NT5DC3: variants seen among roughly 807,000 people sequenced by gnomAD.
NT5DC3 encodes 5'-nucleotidase domain-containing protein 3.
A neutral mutation model predicts 67.8 loss-of-function variants in NT5DC3; 42 were observed. The ratio of observed to expected loss-of-function variants is 0.62; its 90% CI spans 0.48 to 0.80. The LOEUF (loss-of-function observed/expected upper bound fraction) is 0.80. Ranked by LOEUF, NT5DC3 falls within the 30% of genes least tolerant of loss-of-function variation. The pLI, the probability that NT5DC3 is intolerant of heterozygous loss-of-function variation, is 0.00. For missense variants in NT5DC3, 570 were observed against 696.4 expected, an observed-to-expected ratio of 0.82 and a Z score of 2.04; for synonymous variants, 237 against 255.6, an observed-to-expected ratio of 0.93 and a Z score of 0.69.
chr12:103,821,320 T>C (rs761444305), intron 1 of NT5DC3, among the ~76,000 whole-genome samples: 6 of 152,220 alleles, frequency 3.9e-5, no homozygotes, highest in Non-Finnish European at 5.9e-5. Flanking sequence ...AAACCTTCAA[T>C]ACCATGATTT....
chr12:103,759,344 G>T, the NT5DC3 span: 2 of 1,568,142 alleles, frequency 1.3e-6, no homozygotes, highest in Admixed American at 3.9e-5. Context: ...TACAGTAGGT[G>T]CTTAATAGAT....
chr12:103,789,629 G>A lies in NT5DC3; in HGVS notation c.1020-710C>T, dbSNP rs3898408. Among the ~76,000 whole-genome samples the A allele has an allele frequency of 4.6e-3, 699 of 152,214 alleles. 4 individuals carry two copies. The highest frequency in any genetic ancestry group is 0.016 in the African/African-American group (670 of 41,512). On this transcript the variant is annotated intron_variant, in intron 9 of 13. Transcript: ENST00000392876. ...ATGAAGAAAAGTTTATGGAAATACTGCCTTAGTATATTTTTCTGGCTTTGT... is the reference window on the plus strand; with the variant it reads ...ATGAAGAAAAGTTTATGGAAATACTACCTTAGTATATTTTTCTGGCTTTGT...
rs937145582 is a variant in NT5DC3, at chr12:103,776,123, C to T, written c.*1706G>A. On this transcript the variant is annotated 3_prime_UTR_variant, in exon 14 of 14. Coordinates refer to ENST00000392876, the MANE Select transcript of NT5DC3 (RefSeq NM_001031701.3). ...GTATTAGCAGCCCCATAACTAATAA[C>T]AGCAGACATTCCCATAGCACTCAGA... The T allele has an allele frequency of 3.9e-5, 6 of 152,086 alleles. No individual in the cohort carries two copies. Among genetic ancestry groups the T allele is most frequent in the African/African-American group, 1.2e-4 (5 of 41,396 alleles). 9.4% of individuals were successfully genotyped at this position (152,086 alleles called of 1,614,324 possible). A position where few individuals can be genotyped will look rare whatever the true frequency, so the allele number is the denominator to read the frequency against.
intron 5 of NT5DC3, among the ~76,000 whole-genome samples, chr12:103,798,277 T>C (rs1383181880): frequency 6.6e-6 from 1 of 152,172 alleles, no homozygotes; most frequent in Non-Finnish European, 1.5e-5. Context: ...GGGGAAGCAG[T>C]AGCTGTCACA....
intron 1 of NT5DC3, among the ~76,000 whole-genome samples, chr12:103,829,113 T>G (rs1887820595): frequency 6.6e-6 from 1 of 152,264 alleles, no homozygotes; most frequent in African/African-American, 2.4e-5. Flanking sequence ...CAATACTTGC[T>G]TTTTCCTTTT....
chr12:103,770,481 C>T (rs1266071458), downstream of NT5DC3: 1 of 151,448 alleles, frequency 6.6e-6, no homozygotes, highest in Non-Finnish European at 1.5e-5. Context: ...GTCACCCAGA[C>T]TGGATTGCAG....
At chr12:103,750,597 TGTAAAA>T in the NT5DC3 span, 15 of 1,614,090 alleles carry the variant, frequency 9.3e-6, no homozygotes, top group Non-Finnish European at 1.3e-5. Flanking sequence ...CAAGTGTGAG[TGTAAAA>T]GTCACTATGT....
chr12:103,790,520 C>G (rs1237916521), intron 9 of NT5DC3, among the ~76,000 whole-genome samples: 1 of 151,968 alleles, frequency 6.6e-6, no homozygotes, highest in African/African-American at 2.4e-5. Flanking sequence ...CTCAGTCTCC[C>G]AAAGTGCTGG....
At chr12:103,795,859 T>C (rs1220071021) in intron 6 of NT5DC3, among the ~76,000 whole-genome samples, 2 of 152,194 alleles carry the variant, frequency 1.3e-5, no homozygotes, top group African/African-American at 4.8e-5. Flanking sequence ...ACATCTTCAG[T>C]AGGTTCTTAG....
At chr12:103,770,877 G>A (rs1885166203), downstream of NT5DC3, 1 of 152,226 alleles carries the variant, frequency 6.6e-6, no homozygotes, top group Non-Finnish European at 1.5e-5. Context: ...TGATTAAGGG[G>A]GAGGGGCATC....
chr12:103,765,662 C>CA (rs1884892996), downstream of NT5DC3, among the ~76,000 whole-genome samples: 2 of 152,278 alleles, frequency 1.3e-5, no homozygotes, highest in South Asian at 4.1e-4. Context: ...GTGATCCTCC[C>CA]ACCTCAGCCT....
At position 103,796,442 on chromosome 12, in the gene NT5DC3, G is replaced by A. The variant is rs997201298; in HGVS notation, c.753+452C>T. 1.1e-4 allele frequency among the ~76,000 whole-genome samples: 16 copies of A among 152,232 alleles called. No homozygotes were observed. In the East Asian group the frequency reaches 2.1e-3, roughly 20 times the overall value. On this transcript the variant is annotated intron_variant, in intron 6 of 13. Coordinates refer to ENST00000392876, the MANE Select transcript of NT5DC3 (RefSeq NM_001031701.3). ...TGAGGCAGGAGAATCACTTGAACCC[G>A]GGAGGCCCGGGAGGCAGAGGTTGCA...
At chr12:103,760,795 A>G in the NT5DC3 span, among the ~76,000 whole-genome samples, 2 of 152,220 alleles carry the variant, frequency 1.3e-5, no homozygotes, top group African/African-American at 4.8e-5. Context: ...AGTTTAGACT[A>G]GTGTCTCTCA....
the NT5DC3 span, among the ~76,000 whole-genome samples, chr12:103,764,919 G>A: frequency 1.4e-5 from 2 of 145,686 alleles, no homozygotes; most frequent in African/African-American, 2.5e-5. Context: ...CCAACATGGT[G>A]AAATCCCATG....
the NT5DC3 span, chr12:103,746,823 C>A: frequency 6.8e-6 from 6 of 888,220 alleles, no homozygotes; most frequent in Non-Finnish European, 1.1e-5. Flanking sequence ...TTCAGCAGCA[C>A]CTACCCTCTC....
At chr12:103,761,543 C>A in the NT5DC3 span, 1 of 763,626 alleles carries the variant, frequency 1.3e-6, no homozygotes, top group Non-Finnish European at 2.1e-6. Flanking sequence ...AGCCTCCAAC[C>A]TCCAAGGTAG....
the NT5DC3 span, chr12:103,757,865 G>A: frequency 5.2e-6 from 2 of 385,826 alleles, no homozygotes; most frequent in South Asian, 2.8e-5. Flanking sequence ...TGAGTGAAGT[G>A]GGGGGCCACT....
At chr12:103,786,250 G>A (rs1229754019) in intron 11 of NT5DC3, among the ~76,000 whole-genome samples, 1 of 152,112 alleles carries the variant, frequency 6.6e-6, no homozygotes, top group Non-Finnish European at 1.5e-5. Flanking sequence ...AGGAAGCAAG[G>A]AGGTTTCCAT....
the NT5DC3 span, chr12:103,759,186 C>G: frequency 9.8e-4 from 1,576 of 1,614,176 alleles, 6 homozygotes; most frequent in African/African-American, 0.018. Flanking sequence ...GCATGTTTTT[C>G]TACAATGACC....
Sources: gnomAD v4.1 joint callset for allele counts (sites outside exome capture counted in the v4.1 genomes callset) on GRCh38, gnomAD v4.1.1 for gene constraint, MANE v1.5 for transcripts, NCBI Gene and HGNC (gene_info 2026-07-23, HGNC 2026-07-21) for gene names.